The following TTC7B variants were observed in gnomAD, a reference collection of about 807,000 sequenced individuals.
TTC7B encodes tetratricopeptide repeat domain 7B, also known as tetratricopeptide repeat protein 7B.
Under a neutral mutation model 106.8 loss-of-function variants are expected in TTC7B, and 28 were observed. That is an observed-to-expected ratio of 0.26 (90% CI 0.19 to 0.36). TTC7B has a LOEUF of 0.36. Ranked by LOEUF, TTC7B falls within the 10% of genes least tolerant of loss-of-function variation. TTC7B has a pLI of 1.00. For missense variants in TTC7B, 862 were observed against 1,076.4 expected (o/e 0.80, Z 2.79); for synonymous variants, 405 against 430.6 (o/e 0.94, Z 0.74).
chr14:90,619,452 T>C (rs1005446118), intron 15 of TTC7B, among the ~76,000 whole-genome samples: 2 of 152,234 alleles, frequency 1.3e-5, no homozygotes, highest in African/African-American at 4.8e-5. Context: ...CTTTCTTTAA[T>C]TCTTCCCAAA....
At chr14:90,627,346 C>G (rs1272625721) in intron 15 of TTC7B, among the ~76,000 whole-genome samples, 1 of 152,108 alleles carries the variant, frequency 6.6e-6, no homozygotes, top group Non-Finnish European at 1.5e-5. Flanking sequence ...ACAAGGCTGG[C>G]ACATCCGGGA....
At chr14:90,545,387 G>C (rs1436345304) in intron 19 of TTC7B, among the ~76,000 whole-genome samples, 1 of 152,208 alleles carries the variant, frequency 6.6e-6, no homozygotes, top group Non-Finnish European at 1.5e-5. Context: ...TCCTTCCCAT[G>C]TTATGATGGG....
intron 5 of TTC7B, among the ~76,000 whole-genome samples, chr14:90,713,020 A>G (rs1046139840): frequency 2.0e-5 from 3 of 152,240 alleles, no homozygotes; most frequent in African/African-American, 7.2e-5. Context: ...ATCCAACGTG[A>G]AAAGAACAGA....
Position 90,744,793 on chromosome 14 carries a change from C to T in TTC7B, c.575G>A (p.Arg192Lys), listed in dbSNP as rs1889896962. 1.2e-6 allele frequency: 2 copies of T among 1,612,654 alleles called. No individual in the cohort carries two copies. Among genetic ancestry groups the T allele is most frequent in the Non-Finnish European group, 1.7e-6 (2 of 1,179,690 alleles). Residue 192 changes from arginine (R) to lysine (K), a missense_variant and splice_region_variant, in exon 4 of 20, where the codon AGG becomes AAG. Physicochemically the swap from Arg to Lys is conservative, Grantham distance 26. Transcript: ENST00000328459. Reference protein sequence around the residue: ...IALLYLQEIERVILSNIQNRS... With the variant: ...IALLYLQEIEKVILSNIQNRS... Reference sequence around the variant, plus strand: ...AACAAACACGTGGTCCTCACTTACCCTTTCTATCTCTTGGAGATACAGGAG... The same window carrying T: ...AACAAACACGTGGTCCTCACTTACCTTTTCTATCTCTTGGAGATACAGGAG...
chr14:90,607,990 T>C (rs1892716421), intron 17 of TTC7B, among the ~76,000 whole-genome samples: 1 of 152,220 alleles, frequency 6.6e-6, no homozygotes, highest in Non-Finnish European at 1.5e-5. Flanking sequence ...TACAGCACCT[T>C]GTGAATTAGT....
intron 13 of TTC7B, among the ~76,000 whole-genome samples, chr14:90,649,286 C>A (rs1289912343): frequency 6.6e-6 from 1 of 152,346 alleles, no homozygotes; most frequent in East Asian, 1.9e-4. Context: ...CCACTTCACC[C>A]TCTGAAGGAA....
At chr14:90,795,641 T>G (rs1483880884) in intron 1 of TTC7B, among the ~76,000 whole-genome samples, 1 of 152,210 alleles carries the variant, frequency 6.6e-6, no homozygotes, top group African/African-American at 2.4e-5. Flanking sequence ...TTGGGTATCA[T>G]GAGGATTAGA....
intron 15 of TTC7B, chr14:90,642,691 C>T (rs1885233563): frequency 6.6e-6 from 1 of 152,178 alleles, no homozygotes; most frequent in Non-Finnish European, 1.5e-5. Flanking sequence ...GCCTAACCAA[C>T]AGGCAATGGA....
intron 5 of TTC7B, among the ~76,000 whole-genome samples, chr14:90,721,954 A>G (rs1158944023): frequency 6.6e-6 from 1 of 152,224 alleles, no homozygotes; most frequent in African/African-American, 2.4e-5. Flanking sequence ...ATGGAAACAA[A>G]TGCTCTCTAA....
chr14:90,607,565 G>A (rs930066749), intron 17 of TTC7B, among the ~76,000 whole-genome samples: 7 of 152,178 alleles, frequency 4.6e-5, no homozygotes, highest in African/African-American at 1.2e-4. Context: ...TAGCCCAGTC[G>A]CTTTTCTGGA....
intron 13 of TTC7B, among the ~76,000 whole-genome samples, chr14:90,652,537 C>T (rs1885772332): frequency 6.7e-6 from 1 of 149,628 alleles, no homozygotes; most frequent in South Asian, 2.1e-4. Flanking sequence ...TAGATGATGA[C>T]AAATGTCTTT....
intron 4 of TTC7B, among the ~76,000 whole-genome samples, chr14:90,739,472 T>C (rs75263033): frequency 0.052 from 7,846 of 152,230 alleles, 240 homozygotes; most frequent in Non-Finnish European, 0.061. Context: ...TAATCCAGTT[T>C]GGAATCCAAC....
rs1030517981 is a variant in TTC7B, at chr14:90,731,161, C to T, written c.577-965G>A. Among the ~76,000 whole-genome samples, 4 of 152,152 alleles carry T rather than the reference C, an allele frequency of 2.6e-5. No homozygotes were observed. In the South Asian group the frequency reaches 8.3e-4, roughly 32 times the overall value. The stretch of plus-strand genomic sequence containing the variant: ...GAGACGGGGGTTTCACCACGTTAGC[C>T]AGGATGGTCTCGATCTCCTGACCTT... On this transcript the variant is annotated intron_variant, in intron 4 of 19. Transcript: ENST00000328459.
chr14:90,628,382 C>A lies in TTC7B; in HGVS notation c.1752-10337G>T, dbSNP rs566346208. ...AGGACCTTCTCTCTGGAGGATCTCT[C>A]GGTCTTTATTTCTGGCTGAGCCCCC... On this transcript the variant is annotated intron_variant, in intron 15 of 19. Transcript: ENST00000328459. Among the ~76,000 whole-genome samples, 14 of 152,324 alleles carry A rather than the reference C, an allele frequency of 9.2e-5. No individual in the cohort carries two copies. The South Asian group carries it at 2.9e-3, about 32-fold the overall frequency.
intron 10 of TTC7B, 31 bp downstream of exon 10, chr14:90,658,273 T>C (rs1213871808): frequency 1.3e-5 from 21 of 1,597,474 alleles, no homozygotes; most frequent in Non-Finnish European, 1.8e-5. Flanking sequence ...AGGAAAGGCA[T>C]AAAAAACTGC....
rs1018523425 is a variant in TTC7B at position 90,525,097 on chromosome 14, C to G, written c.*16271G>C. On this transcript the variant is annotated 3_prime_UTR_variant, in exon 20 of 20. Coordinates refer to ENST00000328459, the MANE Select transcript of TTC7B (RefSeq NM_001010854.2). The stretch of plus-strand genomic sequence containing the variant: ...TTTGAAACCCCTCCCTCTGGCCCCC[C>G]CTCCACCCCCAAGTCTCCTTGCCCC... 4 of 152,094 alleles carry G rather than the reference C, an allele frequency of 2.6e-5. No individual in the cohort carries two copies. In the East Asian group the frequency reaches 5.8e-4, roughly 22 times the overall value. The allele number at this position is 152,094 out of a possible 1,614,324, so 9.4% of individuals were successfully genotyped here.
At chr14:90,622,631 G>A (rs1884257865) in intron 15 of TTC7B, among the ~76,000 whole-genome samples, 1 of 152,062 alleles carries the variant, frequency 6.6e-6, no homozygotes, top group Non-Finnish European at 1.5e-5. Flanking sequence ...TCGGGAGGCT[G>A]AGGTGGAAGG....
chr14:90,592,582 G>A (rs978018520), intron 18 of TTC7B, among the ~76,000 whole-genome samples: 1 of 151,968 alleles, frequency 6.6e-6, no homozygotes, highest in African/African-American at 2.4e-5. Flanking sequence ...GGTGGTGGGC[G>A]CCTGTAATTC....
At chr14:90,728,714 T>C (rs1167003582) in intron 5 of TTC7B, among the ~76,000 whole-genome samples, 4 of 152,132 alleles carry the variant, frequency 2.6e-5, no homozygotes, top group Non-Finnish European at 5.9e-5. Flanking sequence ...CACAAAACAT[T>C]TTCAACTGAA....
Sources: allele counts gnomAD v4.1 joint callset (sites outside exome capture counted in the v4.1 genomes callset), GRCh38; gene constraint gnomAD v4.1.1; transcripts MANE v1.5; gene names NCBI Gene and HGNC (gene_info 2026-07-23, HGNC 2026-07-21).